EPHA3: variants seen among roughly 807,000 people sequenced by gnomAD.
EPHA3 encodes the protein ephrin type-A receptor 3.
A neutral mutation model predicts 107.1 loss-of-function variants in EPHA3; 42 were observed. That is an observed-to-expected ratio of 0.39 (90% CI 0.31 to 0.51). The LOEUF is 0.51. Ranked by LOEUF, EPHA3 falls within the 20% of genes least tolerant of loss-of-function variation. The pLI is 0.78. For missense variants in EPHA3, 1,183 were observed against 1,211.2 expected (o/e 0.98, Z 0.35); for synonymous variants, 461 against 424.8 (o/e 1.09, Z -1.05).
At chr3:89,351,238 A>G (rs1015698720) in intron 5 of EPHA3, among the ~76,000 whole-genome samples, 7 of 151,050 alleles carry the variant, frequency 4.6e-5, no homozygotes, top group African/African-American at 1.7e-4. Flanking sequence ...TTGCAGTTTG[A>G]TCTCAGACTG....
intron 5 of EPHA3, among the ~76,000 whole-genome samples, chr3:89,359,849 A>G (rs1488522138): frequency 6.8e-6 from 1 of 146,368 alleles, no homozygotes; most frequent in Non-Finnish European, 1.5e-5. Context: ...ATATATATGC[A>G]TATCTTTGGA....
At chr3:89,141,135 C>T (rs1363670947) in intron 2 of EPHA3, among the ~76,000 whole-genome samples, 1 of 151,548 alleles carries the variant, frequency 6.6e-6, no homozygotes, top group East Asian at 1.9e-4. Flanking sequence ...CTTTATACTA[C>T]ATATGGTAAG....
At chr3:89,123,191 C>A (rs539136873) in intron 1 of EPHA3, among the ~76,000 whole-genome samples, 1 of 152,344 alleles carries the variant, frequency 6.6e-6, no homozygotes, top group Non-Finnish European at 1.5e-5. Flanking sequence ...GTTTCCCAGG[C>A]TGCATTGCGG....
chr3:89,441,625 G>T (rs1294031160), intron 13 of EPHA3, among the ~76,000 whole-genome samples: 2 of 152,004 alleles, frequency 1.3e-5, no homozygotes. Flanking sequence ...ATATAAGCTA[G>T]GAAAGCAATT....
At chr3:89,326,582 G>T (rs1028049810) in intron 3 of EPHA3, among the ~76,000 whole-genome samples, 2 of 151,866 alleles carry the variant, frequency 1.3e-5, no homozygotes, top group Non-Finnish European at 2.9e-5. Flanking sequence ...TAGAGATGGG[G>T]TTTCACCATG....
chr3:89,431,171 G>A lies in EPHA3; in HGVS notation c.2158G>A (p.Val720Ile), dbSNP rs200791821. 3 of 1,613,712 alleles carry A rather than the reference G, an allele frequency of 1.9e-6. No individual in the cohort carries two copies. In the Admixed American group the frequency reaches 5.0e-5, roughly 27 times the overall value. Residue 720 changes from valine to isoleucine, a missense_variant, in exon 13 of 17, where the codon GTC becomes ATC. Val to Ile is a conservative substitution (Grantham distance 29). Transcript: ENST00000336596. ...FLRKHDAQFT[V>I]IQLVGMLRGI... is the part of the protein sequence containing the mutation. ...CCAGAAACACGATGCCCAGTTTACT[G>A]TCATTCAGCTAGTGGGGATGCTTCG...
chr3:89,238,546 C>T (rs1279680972), intron 3 of EPHA3, among the ~76,000 whole-genome samples: 1 of 152,182 alleles, frequency 6.6e-6, no homozygotes, highest in African/African-American at 2.4e-5. Flanking sequence ...CAGTTCTAAA[C>T]TCAATTCTTG....
chr3:89,197,989 T>A (rs1267072746), intron 2 of EPHA3, among the ~76,000 whole-genome samples: 1 of 151,740 alleles, frequency 6.6e-6, no homozygotes, highest in African/African-American at 2.4e-5. Flanking sequence ...AAAATAAAAA[T>A]AAAAAAATAA....
intron 13 of EPHA3, among the ~76,000 whole-genome samples, chr3:89,436,724 T>C (rs760592742): frequency 1.3e-4 from 20 of 152,234 alleles, no homozygotes; most frequent in Non-Finnish European, 2.6e-4. Context: ...GCTCAAAACT[T>C]AATTTATCAG....
intron 10 of EPHA3, among the ~76,000 whole-genome samples, chr3:89,413,619 A>G (rs1317250149): frequency 1.3e-5 from 2 of 151,726 alleles, no homozygotes; most frequent in African/African-American, 4.8e-5. Flanking sequence ...TGAAGTTTTC[A>G]TTTTCAATTT....
At chr3:89,367,954 T>C (rs1708216045) in intron 5 of EPHA3, among the ~76,000 whole-genome samples, 1 of 150,696 alleles carries the variant, frequency 6.6e-6, no homozygotes, top group African/African-American at 2.4e-5. Flanking sequence ...TTCATATGCA[T>C]TTAATCTTTC....
Position 89,419,406 on chromosome 3 carries a change from A to G in EPHA3, c.2074+16A>G, listed in dbSNP as rs1411383274. ...GTTACCAAAAGTAAGTAAAGTAGTC[A>G]TAAGACCTGTGTTTCCGTATGTTGA... is the stretch of plus-strand genomic sequence containing the variant. On this transcript the variant is annotated intron_variant, in intron 11 of 16. Transcript: ENST00000336596. The G allele has an allele frequency of 1.9e-6, 3 of 1,565,106 alleles. No homozygotes were observed. The highest frequency in any genetic ancestry group is 2.6e-6 in the Non-Finnish European group (3 of 1,157,522).
chr3:89,323,352 C>T (rs183044321), intron 3 of EPHA3, among the ~76,000 whole-genome samples: 58 of 152,182 alleles, frequency 3.8e-4, no homozygotes, highest in African/African-American at 1.4e-3. Flanking sequence ...CGTGAGGAGG[C>T]TTTGTAACTT....
Position 89,341,802 on chromosome 3 carries a change from T to A in EPHA3, c.1018T>A (p.Ser340Thr). ...RNVISNINET[S>T]VILDWSWPLD... Reference sequence around the variant, plus strand: ...TGTTATCTCTAATATAAACGAGACCTCAGTTATCCTGGACTGGAGTTGGCC... The same window carrying A: ...TGTTATCTCTAATATAAACGAGACCACAGTTATCCTGGACTGGAGTTGGCC... The change falls in exon 5 of 17, where the codon TCA becomes ACA. Residue 340 changes from serine to threonine, a missense_variant. Ser to Thr is a moderately conservative substitution (Grantham distance 58). Coordinates refer to ENST00000336596, the MANE Select transcript of EPHA3 (RefSeq NM_005233.6). 6.2e-7 allele frequency: 1 copy of A among 1,613,932 alleles called. No individual in the cohort carries two copies. Among genetic ancestry groups the A allele is most frequent in the Non-Finnish European group, 8.5e-7 (1 of 1,179,986 alleles).
rs569371837 is a variant in EPHA3 at position 89,256,402 on chromosome 3, C to A, written c.814+45882C>A. 1.6e-4 allele frequency among the ~76,000 whole-genome samples: 24 copies of A among 151,450 alleles called. 1 individual carries two copies. Among genetic ancestry groups the A allele is most frequent in the Admixed American group, 1.4e-3 (22 of 15,226 alleles). On this transcript the variant is annotated intron_variant, in intron 3 of 16. Coordinates refer to ENST00000336596, the MANE Select transcript of EPHA3 (RefSeq NM_005233.6). ...CCTGGCCAACATGGTGAAACCCTGT[C>A]TCTACTAAAAACAAAAAAATTAGCT...
chr3:89,128,012 T>C (rs1455618633), intron 2 of EPHA3, among the ~76,000 whole-genome samples: 1 of 152,150 alleles, frequency 6.6e-6, no homozygotes, highest in Admixed American at 6.5e-5. Flanking sequence ...GTGTAATAAA[T>C]TCCTGAGCAT....
chr3:89,175,925 T>A (rs1576205539), intron 2 of EPHA3, among the ~76,000 whole-genome samples: 1 of 152,180 alleles, frequency 6.6e-6, no homozygotes, highest in African/African-American at 2.4e-5. Flanking sequence ...GTTGTTTTTT[T>A]ACAGTTGTTT....
chr3:89,341,082 T>C lies in EPHA3; in HGVS notation c.970+11T>C. ...CCATGGCTTGTACCCGTGAGTAGTT[T>C]TGCTGCAACCCATGCCTCCATGTTT... On this transcript the variant is annotated intron_variant, in intron 4 of 16. Coordinates refer to ENST00000336596, the MANE Select transcript of EPHA3 (RefSeq NM_005233.6). 1 of 1,610,572 alleles carries C rather than the reference T, an allele frequency of 6.2e-7. No homozygotes were observed. Among genetic ancestry groups the C allele is most frequent in the Non-Finnish European group, 8.5e-7 (1 of 1,178,808 alleles).
intron 1 of EPHA3, among the ~76,000 whole-genome samples, chr3:89,116,065 G>A (rs1030041008): frequency 6.6e-6 from 1 of 152,132 alleles, no homozygotes; most frequent in Non-Finnish European, 1.5e-5. Context: ...TGCGTGTGGG[G>A]GGGACCCACT....
Sources: allele counts gnomAD v4.1 joint callset (sites outside exome capture counted in the v4.1 genomes callset), GRCh38; gene constraint gnomAD v4.1.1; transcripts MANE v1.5; gene names NCBI Gene and HGNC (gene_info 2026-07-23, HGNC 2026-07-21).